Variants in RAI1 observed in about 807,000 individuals in gnomAD.
RAI1 encodes retinoic acid-induced protein 1.
In RAI1, 9 loss-of-function variants were observed where a neutral mutation model predicts 123.8. That is an observed-to-expected ratio of 0.07 (90% CI 0.04 to 0.13). The LOEUF is 0.13. Among genes scored for constraint, RAI1 ranks in the 10% least tolerant of loss-of-function variants. The probability of loss-of-function intolerance (pLI) is 1.00; values close to 1 mark genes in which losing one functional copy is unlikely to be tolerated. For synonymous variants in RAI1, 1,231 were observed against 1,127.3 expected (o/e 1.09, Z -1.84); for missense variants, 2,256 against 2,545.8 (o/e 0.89, Z 2.45).
At chr17:17,768,706 C>A (rs2031031176) in intron 2 of RAI1, among the ~76,000 whole-genome samples, 2 of 152,220 alleles carry the variant, frequency 1.3e-5, no homozygotes, top group Non-Finnish European at 1.5e-5. Context: ...ACTGGGGAGA[C>A]ACAAGACGAC....
intron 1 of RAI1, chr17:17,684,762 C>T (rs892136069): frequency 2.0e-5 from 3 of 148,986 alleles, no homozygotes; most frequent in African/African-American, 7.4e-5. Context: ...TCTTTTTCCC[C>T]AAGTGAGGAC....
intron 2 of RAI1, among the ~76,000 whole-genome samples, chr17:17,766,534 T>C (rs1225130571): frequency 1.3e-5 from 2 of 152,090 alleles, no homozygotes; most frequent in Non-Finnish European, 2.9e-5. Context: ...GTGGCTCTGC[T>C]CTGTCTGCCG....
chr17:17,762,675 G>C (rs977094748), intron 2 of RAI1, among the ~76,000 whole-genome samples: 11 of 152,196 alleles, frequency 7.2e-5, no homozygotes, highest in Non-Finnish European at 1.5e-4. Context: ...TTTGATCCCA[G>C]TCATTTCTGC....
At chr17:17,758,644 G>A (rs2030547989) in intron 2 of RAI1, among the ~76,000 whole-genome samples, 1 of 152,216 alleles carries the variant, frequency 6.6e-6, no homozygotes, top group Non-Finnish European at 1.5e-5. Flanking sequence ...AAAGACAAAA[G>A]GCCCAATCCC....
At chr17:17,749,997 T>C (rs568203459) in intron 2 of RAI1, among the ~76,000 whole-genome samples, 3 of 152,178 alleles carry the variant, frequency 2.0e-5, no homozygotes, top group Non-Finnish European at 4.4e-5. Flanking sequence ...GGATGGTGAG[T>C]ATTTCTGGTG....
chr17:17,738,502 ACGGC>A (rs1202111368), intron 2 of RAI1, among the ~76,000 whole-genome samples: 1 of 152,134 alleles, frequency 6.6e-6, no homozygotes, highest in Non-Finnish European at 1.5e-5. Context: ...GCTGCCCTAC[ACGGC>A]CTTGGGCCTG....
chr17:17,712,114 C>T (rs1166774334), intron 1 of RAI1, among the ~76,000 whole-genome samples: 1 of 152,218 alleles, frequency 6.6e-6, no homozygotes, highest in Non-Finnish European at 1.5e-5. Flanking sequence ...CGCTGTGGGG[C>T]GCTTGGGTTT....
rs1484380584 is a variant in RAI1 at position 17,800,832 on chromosome 17, G to A, written c.5565+2319G>A. On this transcript the variant is annotated intron_variant, in intron 3 of 5. Transcript: ENST00000353383. This position sits in a 1 kb window ranked among gnomAD's most constrained non-coding sequence, Gnocchi z 4.7. ...CCCCTTCCTGCCTCAGTGGCTTGGG[G>A]GCGCCATGCTCCTTGGAGTGAGACC... Among the ~76,000 whole-genome samples the A allele has an allele frequency of 5.3e-5, 8 of 152,246 alleles. No individual in the cohort carries two copies. Among genetic ancestry groups the A allele is most frequent in the Non-Finnish European group, 1.0e-4 (7 of 68,040 alleles).
At chr17:17,702,860 T>G (rs566642535) in intron 1 of RAI1, among the ~76,000 whole-genome samples, 1 of 152,326 alleles carries the variant, frequency 6.6e-6, no homozygotes, top group African/African-American at 2.4e-5. Flanking sequence ...ATCTCCGAGG[T>G]GGCAAAATTA....
At position 17,797,820 on chromosome 17, in the gene RAI1, C is replaced by T. The variant is rs746563333; in HGVS notation, c.4872C>T (p.His1624=). The T allele has an allele frequency of 3.7e-6, 6 of 1,613,934 alleles. No homozygotes were observed. Among genetic ancestry groups the T allele is most frequent in the South Asian group, 2.2e-5 (2 of 91,086 alleles). The change falls in exon 3 of 6, where the codon CAC becomes CAT. Residue 1624 remains histidine, a synonymous_variant. Transcript: ENST00000353383. ...VNSPGDAPKP[H]RKPSSSASSS... ...CCCCTGGAGATGCGCCCAAGCCCCACAGGAAGCCTTCCTCCTCTGCCTCCT... is the reference window on the plus strand; with the variant it reads ...CCCCTGGAGATGCGCCCAAGCCCCATAGGAAGCCTTCCTCCTCTGCCTCCT...
At chr17:17,780,254 C>T (rs867380733) in intron 2 of RAI1, among the ~76,000 whole-genome samples, 5 of 151,898 alleles carry the variant, frequency 3.3e-5, no homozygotes, top group South Asian at 2.1e-4. Flanking sequence ...TTAGTAGAGA[C>T]GGGGTTTCAA....
chr17:17,737,351 C>T (rs1916463916), intron 2 of RAI1, among the ~76,000 whole-genome samples: 1 of 152,124 alleles, frequency 6.6e-6, no homozygotes, highest in African/African-American at 2.4e-5. Context: ...GGGTCTTGCC[C>T]AGACTCACTC....
chr17:17,711,186 C>T (rs1915555173), intron 1 of RAI1, among the ~76,000 whole-genome samples: 2 of 152,302 alleles, frequency 1.3e-5, no homozygotes, highest in South Asian at 2.1e-4. Context: ...GCAGGTGGGG[C>T]GACTGAGGCC....
At chr17:17,783,400 G>C (rs949101432) in intron 2 of RAI1, among the ~76,000 whole-genome samples, 1 of 152,122 alleles carries the variant, frequency 6.6e-6, no homozygotes, top group Non-Finnish European at 1.5e-5. Context: ...CGCAGAGGCC[G>C]GGAAACAAGG....
intron 2 of RAI1, among the ~76,000 whole-genome samples, chr17:17,758,547 T>G (rs180880843): frequency 1.3e-3 from 193 of 152,280 alleles, no homozygotes; most frequent in African/African-American, 4.5e-3. Context: ...GTGCAGATGT[T>G]GTTTACCGAC....
At chr17:17,747,855 G>C (rs1232574555) in intron 2 of RAI1, among the ~76,000 whole-genome samples, 1 of 152,220 alleles carries the variant, frequency 6.6e-6, no homozygotes, top group African/African-American at 2.4e-5. Context: ...TTTGAGCCCA[G>C]GAGTTTGAGA....
rs1200624104 is a variant in RAI1, at chr17:17,681,698, G to A, written c.-244G>A. On this transcript the variant is annotated 5_prime_UTR_variant, in exon 1 of 6. Coordinates refer to ENST00000353383, the MANE Select transcript of RAI1 (RefSeq NM_030665.4). Reference sequence around the variant, plus strand: ...CTTCCTGCCTGGCCGCGGGCCGGCCGGGCCGCCGCGCCCCGACCCCCATGG... The same window carrying A: ...CTTCCTGCCTGGCCGCGGGCCGGCCAGGCCGCCGCGCCCCGACCCCCATGG... The A allele has an allele frequency of 6.7e-6, 2 of 298,532 alleles. No individual in the cohort carries two copies. Among genetic ancestry groups the A allele is most frequent in the Non-Finnish European group, 1.2e-5 (2 of 161,862 alleles). The allele number at this position is 298,532 out of a possible 1,614,324, so 18.5% of individuals were successfully genotyped here. A position where few individuals can be genotyped will look rare whatever the true frequency, so the allele number is the denominator to read the frequency against.
chr17:17,810,074 G>T lies in RAI1; in HGVS notation c.*93G>T. On this transcript the variant is annotated 3_prime_UTR_variant, in exon 6 of 6. Transcript: ENST00000353383. The surrounding 1 kb of genome is among the most constrained non-coding windows in gnomAD (Gnocchi z 4.6). ...CCGCCTGCGCAGCCCCCGGGCCTTT[G>T]AGCTGCTCCCAGCGCTGGTCCAGAG... is the stretch of plus-strand genomic sequence containing the variant. 6.7e-7 allele frequency: 1 copy of T among 1,496,998 alleles called. No homozygotes were observed. The highest frequency in any genetic ancestry group is 1.2e-5 in the South Asian group (1 of 81,428). The allele number at this position is 1,496,998 out of a possible 1,614,324, so 92.7% of individuals were successfully genotyped here. A position where few individuals can be genotyped will look rare whatever the true frequency, so the allele number is the denominator to read the frequency against.
intron 2 of RAI1, among the ~76,000 whole-genome samples, chr17:17,742,243 C>T (rs1916661219): frequency 6.6e-6 from 1 of 152,220 alleles, no homozygotes. Context: ...CCTGGCCTGT[C>T]CACTCCCAGC....
Sources: allele counts gnomAD v4.1 joint callset (sites outside exome capture counted in the v4.1 genomes callset), GRCh38; gene constraint gnomAD v4.1.1; non-coding constraint Gnocchi (gnomAD v3.1); transcripts MANE v1.5; gene names NCBI Gene and HGNC (gene_info 2026-07-23, HGNC 2026-07-21).